Variants in N4BP1 observed in about 807,000 individuals in gnomAD.
N4BP1 encodes NEDD4-binding protein 1.
N4BP1 carries 21 observed loss-of-function variants against 70.9 expected under a neutral mutation model. The observed-to-expected ratio is 0.30, with a 90% CI of 0.21 to 0.43. N4BP1 has a LOEUF of 0.43. Among genes scored for constraint, N4BP1 ranks in the 20% least tolerant of loss-of-function variants. The probability of loss-of-function intolerance (pLI) is 1.00; values close to 1 mark genes in which losing one functional copy is unlikely to be tolerated. For missense variants in N4BP1, 936 were observed against 1,069.4 expected (o/e 0.88, Z 1.74); for synonymous variants, 387 against 394.6 (o/e 0.98, Z 0.23).
chr16:48,561,274 T>C lies in N4BP1; in HGVS notation c.1369A>G (p.Asn457Asp). 1 of 1,613,972 alleles carries C rather than the reference T, an allele frequency of 6.2e-7. No homozygotes were observed. The highest frequency in any genetic ancestry group is 8.5e-7 in the Non-Finnish European group (1 of 1,179,874). The change falls in exon 2 of 7, where the codon AAT (asparagine) becomes GAT (aspartate). Residue 457 changes from asparagine to aspartate, a missense_variant. Asn to Asp is a conservative substitution (Grantham distance 23, BLOSUM62 1). Around this residue, in one of 4 missense-constraint regions of N4BP1, gnomAD observed 515 missense variants for 491.7 expected, o/e 1.05. Transcript: ENST00000262384. ...FKVEAKPCTSNCRINTFRTVP... is the reference protein window; with the variant it reads ...FKVEAKPCTSDCRINTFRTVP... ...GTTCTGAAAGTATTAATTCTACAAT[T>C]TGAGGTACATGGTTTAGCTTCCACT...
chr16:48,573,292 A>G (rs568185623), intron 1 of N4BP1, among the ~76,000 whole-genome samples: 1 of 152,186 alleles, frequency 6.6e-6, no homozygotes, highest in South Asian at 2.1e-4. Flanking sequence ...CCTACAATTG[A>G]TAAGAAATAG....
At chr16:48,588,185 A>C (rs1211605249) in intron 1 of N4BP1, among the ~76,000 whole-genome samples, 1 of 152,206 alleles carries the variant, frequency 6.6e-6, no homozygotes, top group Non-Finnish European at 1.5e-5. Context: ...TATCAAGAAT[A>C]ATCTCCAGAT....
rs1438123973 is a variant in N4BP1 at position 48,610,152 on chromosome 16, C to G, written c.-180G>C. ...TACCATCCCGCCACGACCGCAGCAG[C>G]TTGGCAATTGCTGGCAGCGAACCCC... On this transcript the variant is annotated 5_prime_UTR_variant, in exon 1 of 7. Transcript: ENST00000262384. 5.5e-6 allele frequency: 1 copy of G among 181,596 alleles called. No homozygotes were observed. The highest frequency in any genetic ancestry group is 2.4e-5 in the African/African-American group (1 of 41,890). The allele number at this position is 181,596 out of a possible 1,614,324, so 11.2% of individuals were successfully genotyped here.
chr16:48,543,016 G>A lies in N4BP1; in HGVS notation c.2579C>T (p.Ala860Val). 1 of 1,614,068 alleles carries A rather than the reference G, an allele frequency of 6.2e-7. No homozygotes were observed. The highest frequency in any genetic ancestry group is 8.5e-7 in the Non-Finnish European group (1 of 1,179,906). The change falls in exon 7 of 7, where the codon GCC (alanine) becomes GTC (valine). Residue 860 changes from alanine (A) to valine (V), a missense_variant. Coordinates refer to ENST00000262384, the MANE Select transcript of N4BP1 (RefSeq NM_153029.4). Reference sequence around the variant, plus strand: ...TGAGTCAGGGAAGATCTTCAGAAGGGCTTCCCTCAGCTCGTTGGTTTCTGC... The same window carrying A: ...TGAGTCAGGGAAGATCTTCAGAAGGACTTCCCTCAGCTCGTTGGTTTCTGC... ...SSAETNELRE[A>V]LLKIFPDSEQ...
chr16:48,582,497 ACGT>A (rs1444748884), intron 1 of N4BP1, among the ~76,000 whole-genome samples: 1 of 152,182 alleles, frequency 6.6e-6, no homozygotes, highest in African/African-American at 2.4e-5. Context: ...AAGAGTAGTA[ACGT>A]TGGCAATTTG....
chr16:48,575,764 A>G (rs2151093859), intron 1 of N4BP1, among the ~76,000 whole-genome samples: 1 of 152,322 alleles, frequency 6.6e-6, no homozygotes, highest in South Asian at 2.1e-4. Flanking sequence ...GCAAATGGCA[A>G]TGGACAAACA....
At chr16:48,599,557 T>C (rs949067695) in intron 1 of N4BP1, among the ~76,000 whole-genome samples, 20 of 152,246 alleles carry the variant, frequency 1.3e-4, no homozygotes, top group African/African-American at 3.9e-4. Flanking sequence ...CAATGCTCCT[T>C]GAACCAGTTT....
At position 48,561,306 on chromosome 16, in the gene N4BP1, G is replaced by C; in HGVS notation, c.1337C>G (p.Pro446Arg). 6.2e-7 allele frequency: 1 copy of C among 1,613,718 alleles called. No individual in the cohort carries two copies. Among genetic ancestry groups the C allele is most frequent in the Non-Finnish European group, 8.5e-7 (1 of 1,179,762 alleles). Residue 446 changes from proline to arginine, a missense_variant, in exon 2 of 7, where the codon CCA (proline) becomes CGA (arginine). Pro to Arg is a moderately radical substitution (Grantham distance 103). Transcript: ENST00000262384. ...QNMVEKFSQL[P>R]FKVEAKPCTS... ...ACATGGTTTAGCTTCCACTTTGAAT[G>C]GTAACTGAGAAAATTTTTCTACCAT...
At chr16:48,577,150 C>T (rs1964106522) in intron 1 of N4BP1, among the ~76,000 whole-genome samples, 1 of 152,198 alleles carries the variant, frequency 6.6e-6, no homozygotes, top group Non-Finnish European at 1.5e-5. Flanking sequence ...ACCAAAACCA[C>T]TTTGTTGAAT....
intron 1 of N4BP1, among the ~76,000 whole-genome samples, chr16:48,580,382 G>T (rs9931123): frequency 0.4 from 61,190 of 151,844 alleles, 13,274 homozygotes; most frequent in African/African-American, 0.56. Flanking sequence ...GATTGAATTA[G>T]GAATAGAAAA....
chr16:48,590,270 C>T (rs371913790), intron 1 of N4BP1, among the ~76,000 whole-genome samples: 5 of 152,146 alleles, frequency 3.3e-5, no homozygotes, highest in East Asian at 1.9e-4. Context: ...CATCTCCAAC[C>T]TGACCAATCA....
intron 1 of N4BP1, among the ~76,000 whole-genome samples, chr16:48,582,224 T>C (rs904440146): frequency 6.6e-6 from 1 of 152,176 alleles, no homozygotes; most frequent in Non-Finnish European, 1.5e-5. Context: ...CAGTTACCCT[T>C]GGTCAAGCAT....
At chr16:48,576,133 C>T (rs1227078502) in intron 1 of N4BP1, among the ~76,000 whole-genome samples, 1 of 151,568 alleles carries the variant, frequency 6.6e-6, no homozygotes, top group East Asian at 1.9e-4. Context: ...GTGAGTCCTA[C>T]AGCATAAACA....
intron 1 of N4BP1, among the ~76,000 whole-genome samples, chr16:48,571,568 G>A (rs1245191959): frequency 6.6e-6 from 1 of 152,090 alleles, no homozygotes; most frequent in African/African-American, 2.4e-5. Flanking sequence ...TTAGTAAGTG[G>A]TTTCAAACAG....
At chr16:48,598,580 G>C (rs1344372604) in intron 1 of N4BP1, among the ~76,000 whole-genome samples, 1 of 152,100 alleles carries the variant, frequency 6.6e-6, no homozygotes, top group African/African-American at 2.4e-5. Context: ...TGAAAAATAA[G>C]GTATGTCTAA....
intron 1 of N4BP1, among the ~76,000 whole-genome samples, chr16:48,602,364 T>C (rs1044151433): frequency 6.6e-6 from 1 of 152,206 alleles, no homozygotes; most frequent in African/African-American, 2.4e-5. Context: ...TCTTCTATGA[T>C]TATATCAATT....
intron 1 of N4BP1, chr16:48,587,044 C>G (rs1196397858): frequency 6.6e-6 from 1 of 152,186 alleles, no homozygotes; most frequent in Non-Finnish European, 1.5e-5. Flanking sequence ...TTGTTGGTTA[C>G]TGTATAAACT....
chr16:48,606,330 G>A (rs1964582327), intron 1 of N4BP1, among the ~76,000 whole-genome samples: 1 of 152,030 alleles, frequency 6.6e-6, no homozygotes, highest in Non-Finnish European at 1.5e-5. Flanking sequence ...TTTCACTGTT[G>A]GTCTTCTGTT....
intron 1 of N4BP1, among the ~76,000 whole-genome samples, chr16:48,575,245 G>A (rs1964076325): frequency 6.6e-6 from 1 of 152,194 alleles, no homozygotes; most frequent in African/African-American, 2.4e-5. Flanking sequence ...AGATAATGCA[G>A]TCCAAATATC....
Sources: gnomAD v4.1 joint callset for allele counts (sites outside exome capture counted in the v4.1 genomes callset) on GRCh38, gnomAD v4.1.1 for gene constraint, gnomAD v4.1.1 regional missense constraint, MANE v1.5 for transcripts, NCBI Gene and HGNC (gene_info 2026-07-23, HGNC 2026-07-21) for gene names.